Variants in JADE1 observed in about 807,000 individuals in gnomAD.
JADE1 encodes the protein protein Jade-1.
In JADE1, 14 loss-of-function variants were observed where a neutral mutation model predicts 81.8. The ratio of observed to expected loss-of-function variants is 0.17; its 90% CI spans 0.11 to 0.27. JADE1 has a LOEUF of 0.27. Ranked by LOEUF, JADE1 falls within the 10% of genes least tolerant of loss-of-function variation. The pLI is 1.00. For synonymous variants in JADE1, 353 were observed against 391.9 expected (o/e 0.90, Z 1.17); for missense variants, 690 against 1,047.9 (o/e 0.66, Z 4.71).
intron 2 of JADE1, among the ~76,000 whole-genome samples, chr4:128,840,307 T>G (rs575011286): frequency 6.6e-6 from 1 of 152,202 alleles, no homozygotes; most frequent in Non-Finnish European, 1.5e-5. Context: ...ATGAATTTGT[T>G]GTTTCTGCTT....
rs1407481753 is a variant in JADE1 at position 128,874,635 on chromosome 4, T to G, written c.*2373T>G. 3.3e-5 allele frequency: 5 copies of G among 152,618 alleles called. No individual in the cohort carries two copies. The highest frequency in any genetic ancestry group is 5.9e-5 in the Non-Finnish European group (4 of 68,036). The allele number at this position is 152,618 out of a possible 1,614,324, so 9.5% of individuals were successfully genotyped here. On this transcript the variant is annotated 3_prime_UTR_variant, in exon 11 of 11. Coordinates refer to ENST00000226319, the MANE Select transcript of JADE1 (RefSeq NM_199320.4). ...TATAATGATAGCTTTGTGAGTTAGT[T>G]TCATGTCATGCTGGGAACTCTCTAT...
Position 128,872,332 on chromosome 4 carries a change from G to C in JADE1, c.*70G>C. 7.5e-7 allele frequency: 1 copy of C among 1,340,622 alleles called. No individual in the cohort carries two copies. The highest frequency in any genetic ancestry group is 1.0e-6 in the Non-Finnish European group (1 of 964,640). The allele number at this position is 1,340,622 out of a possible 1,614,324, so 83.0% of individuals were successfully genotyped here. A position where few individuals can be genotyped will look rare whatever the true frequency, so the allele number is the denominator to read the frequency against. On this transcript the variant is annotated 3_prime_UTR_variant, in exon 11 of 11. Coordinates refer to ENST00000226319, the MANE Select transcript of JADE1 (RefSeq NM_199320.4). The stretch of plus-strand genomic sequence containing the variant: ...TTGCTAGAGGAGAGCTCTGATGTGG[G>C]GGAGAAGCAGAAACCCATTAATCCT...
chr4:128,816,977 G>A (rs1030756536), intron 1 of JADE1, among the ~76,000 whole-genome samples: 1 of 151,226 alleles, frequency 6.6e-6, no homozygotes, highest in Non-Finnish European at 1.5e-5. Flanking sequence ...AAGTGAGTCA[G>A]CCTCCGGAGT....
Position 128,829,350 on chromosome 4 carries a change from C to T in JADE1, c.-26-2383C>T, listed in dbSNP as rs568321244. Among the ~76,000 whole-genome samples, 4 of 152,212 alleles carry T rather than the reference C, an allele frequency of 2.6e-5. No individual in the cohort carries two copies. In the East Asian group the frequency reaches 7.7e-4, roughly 29 times the overall value. On this transcript the variant is annotated intron_variant, in intron 1 of 10. Transcript: ENST00000226319. ...GCGTGTCCATAATATAGCTCATGAC[C>T]CATACTGATCAGGACTTATGTTCAG...
At chr4:128,818,194 C>T (rs1455414157) in intron 1 of JADE1, among the ~76,000 whole-genome samples, 1 of 151,638 alleles carries the variant, frequency 6.6e-6, no homozygotes, top group Non-Finnish European at 1.5e-5. Flanking sequence ...GATCTGGGCT[C>T]ACTGCAACGT....
intron 9 of JADE1, 127 bp downstream of exon 9, chr4:128,862,352 G>A (rs1224992156): frequency 4.8e-6 from 7 of 1,464,924 alleles, no homozygotes; most frequent in African/African-American, 1.4e-5. Flanking sequence ...CACAGCATGA[G>A]GTTGTGTTGG....
chr4:128,873,273 G>GAAAAAAAGAAAAAAAAAA lies in JADE1; in HGVS notation c.*1012_*1029dup, dbSNP rs1732335654. On this transcript the variant is annotated 3_prime_UTR_variant, in exon 11 of 11. Coordinates refer to ENST00000226319, the MANE Select transcript of JADE1 (RefSeq NM_199320.4). ...AGAAAAAGGAAAAAAAAAAAAAAAAGAAAAAAAGAAAAAAAAAAGAAAAAA... is the reference window on the plus strand; with the variant it reads ...AGAAAAAGGAAAAAAAAAAAAAAAAGAAAAAAAGAAAAAAAAAAAAAAAAAGAAAAAAAAAAGAAAAAA... The GAAAAAAAGAAAAAAAAAA allele has an allele frequency of 1.3e-5, 1 of 78,656 alleles. No homozygotes were observed. Among genetic ancestry groups the GAAAAAAAGAAAAAAAAAA allele is most frequent in the Non-Finnish European group, 2.7e-5 (1 of 37,290 alleles). The allele number at this position is 78,656 out of a possible 1,614,324, so 4.9% of individuals were successfully genotyped here. A position where few individuals can be genotyped will look rare whatever the true frequency, so the allele number is the denominator to read the frequency against.
chr4:128,846,503 C>T lies in JADE1; in HGVS notation c.267C>T (p.Ser89=). 1 of 1,614,132 alleles carries T rather than the reference C, an allele frequency of 6.2e-7. No individual in the cohort carries two copies. The highest frequency in any genetic ancestry group is 1.7e-5 in the Admixed American group (1 of 60,030). Reference sequence around the variant, plus strand: ...AGAAAGGGGTCCAGGTGCCTGTGAGCCCGGGGACCATCCCTCAGCCTGTGG... The same window carrying T: ...AGAAAGGGGTCCAGGTGCCTGTGAGTCCGGGGACCATCCCTCAGCCTGTGG... The part of the protein sequence containing the change: ...EWEKGVQVPV[S]PGTIPQPVAR... Residue 89 remains serine (S), a synonymous_variant, in exon 4 of 11, where the codon AGC becomes AGT. Transcript: ENST00000226319. The surrounding 1 kb of genome is among the most constrained non-coding windows in gnomAD (Gnocchi z 4.0).
chr4:128,871,854 G>A lies in JADE1; in HGVS notation c.2121G>A (p.Gly707=). The A allele has an allele frequency of 1.2e-6, 2 of 1,614,046 alleles. No individual in the cohort carries two copies. The highest frequency in any genetic ancestry group is 1.7e-6 in the Non-Finnish European group (2 of 1,179,932). The change falls in exon 11 of 11, where the codon GGG becomes GGA. Residue 707 remains glycine, a synonymous_variant. Coordinates refer to ENST00000226319, the MANE Select transcript of JADE1 (RefSeq NM_199320.4). The surrounding 1 kb of genome is among the most constrained non-coding windows in gnomAD (Gnocchi z 4.1). The part of the protein sequence containing the change: ...NTRAATSPGV[G]QSAPGTRKEI... ...GAGCTGCCACCTCCCCTGGAGTGGG[G>A]CAGTCAGCACCTGGCACAAGGAAGG...
chr4:128,858,764 G>A (rs753175346), intron 8 of JADE1, among the ~76,000 whole-genome samples: 4 of 152,020 alleles, frequency 2.6e-5, no homozygotes, highest in South Asian at 2.1e-4. Flanking sequence ...CAGCAAGCCC[G>A]GCTAATTCTC....
chr4:128,814,991 A>G lies in JADE1; in HGVS notation c.-27+5114A>G, dbSNP rs946290758. On this transcript the variant is annotated intron_variant, in intron 1 of 10. Coordinates refer to ENST00000226319, the MANE Select transcript of JADE1 (RefSeq NM_199320.4). ...GAAGCTTTGTCTAAACCACTGCCTA[A>G]TAAAGGACCATTTATTGCATTTGGT... Among the ~76,000 whole-genome samples the G allele has an allele frequency of 1.1e-3, 165 of 152,230 alleles. 2 individuals carry two copies. The highest frequency in any genetic ancestry group is 2.3e-3 in the Admixed American group (35 of 15,294).
intron 1 of JADE1, among the ~76,000 whole-genome samples, chr4:128,830,127 C>T (rs1003848700): frequency 7.2e-5 from 11 of 151,816 alleles, no homozygotes; most frequent in South Asian, 2.1e-4. Flanking sequence ...CCTCCCACCT[C>T]GGCCTCCCAA....
chr4:128,856,875 TC>T (rs1478351079), intron 7 of JADE1, among the ~76,000 whole-genome samples: 4 of 152,204 alleles, frequency 2.6e-5, no homozygotes, highest in African/African-American at 9.7e-5. Flanking sequence ...CTTTGTAATT[TC>T]CCATCTTGAA....
intron 4 of JADE1, among the ~76,000 whole-genome samples, chr4:128,848,488 G>A (rs115850891): frequency 0.024 from 3,642 of 152,258 alleles, 117 homozygotes; most frequent in African/African-American, 0.074. Flanking sequence ...CCCAAGGCCT[G>A]ATTTTCTTTT....
chr4:128,834,667 A>G (rs1016711699), intron 2 of JADE1, among the ~76,000 whole-genome samples: 19 of 150,030 alleles, frequency 1.3e-4, no homozygotes, highest in African/African-American at 4.4e-4. Context: ...CCGAGTAGCT[A>G]GGACTACAGG....
chr4:128,833,253 C>T (rs906688216), intron 2 of JADE1, among the ~76,000 whole-genome samples: 2 of 152,092 alleles, frequency 1.3e-5, no homozygotes, highest in African/African-American at 2.4e-5. Context: ...TGTTTTCTAA[C>T]GTTTATAGTT....
chr4:128,862,248 T>C (rs1199732227), intron 9 of JADE1, 23 bp downstream of exon 9: 1 of 1,613,420 alleles, frequency 6.2e-7, no homozygotes, highest in Non-Finnish European at 8.5e-7. Context: ...ACTGACACCT[T>C]ATAGTGACTT....
chr4:128,813,701 G>A (rs1020726725), intron 1 of JADE1, among the ~76,000 whole-genome samples: 2 of 151,968 alleles, frequency 1.3e-5, no homozygotes, highest in Non-Finnish European at 2.9e-5. Flanking sequence ...GATTACAGGC[G>A]TGAGCCACCA....
At chr4:128,814,484 C>G (rs10011413) in intron 1 of JADE1, among the ~76,000 whole-genome samples, 5,183 of 151,952 alleles carry the variant, frequency 0.034, 320 homozygotes, top group African/African-American at 0.12. Flanking sequence ...TACTGTATTA[C>G]TTTTCAGATA....
Sources: gnomAD v4.1 joint callset for allele counts (sites outside exome capture counted in the v4.1 genomes callset) on GRCh38, gnomAD v4.1.1 for gene constraint, Gnocchi (gnomAD v3.1) non-coding constraint, MANE v1.5 for transcripts, NCBI Gene and HGNC (gene_info 2026-07-23, HGNC 2026-07-21) for gene names.